SLC30A8: variants seen among roughly 807,000 people sequenced by gnomAD.
SLC30A8 encodes solute carrier family 30 member 8, also known as proton-coupled zinc antiporter SLC30A8.
SLC30A8 carries 27 observed loss-of-function variants against 36.9 expected under a neutral mutation model. The ratio of observed to expected loss-of-function variants is 0.73; its 90% CI spans 0.54 to 1.01. SLC30A8 has a LOEUF of 1.01. SLC30A8 is among the 50% of genes least tolerant of loss of function. SLC30A8 has a pLI of 0.00. For synonymous variants in SLC30A8, 164 were observed against 172.4 expected, an observed-to-expected ratio of 0.95 and a Z score of 0.38; for missense variants, 439 against 452.0, an observed-to-expected ratio of 0.97 and a Z score of 0.26.
At chr8:116,980,940 A>G (rs1277036465) in intron 1 of SLC30A8, among the ~76,000 whole-genome samples, 1 of 152,182 alleles carries the variant, frequency 6.6e-6, no homozygotes, top group Non-Finnish European at 1.5e-5. Flanking sequence ...TGGGTGTTCT[A>G]ATTACTATTG....
chr8:117,140,060 A>T (rs1253890226), intron 1 of SLC30A8, among the ~76,000 whole-genome samples: 1 of 152,060 alleles, frequency 6.6e-6, no homozygotes, highest in Non-Finnish European at 1.5e-5. Flanking sequence ...AAAGAACCAG[A>T]TGAAAATTCT....
chr8:116,961,611 T>A (rs1814426501), intron 1 of SLC30A8, among the ~76,000 whole-genome samples: 1 of 151,882 alleles, frequency 6.6e-6, no homozygotes, highest in South Asian at 2.1e-4. Context: ...TACCACAGAA[T>A]GGGTAATTTA....
rs71305451 is a variant in SLC30A8, at chr8:116,977,141, CTTTT to C, written c.-266+26042_-266+26045del. On this transcript the variant is annotated intron_variant, in intron 1 of 10. Coordinates refer to the SLC30A8 transcript ENST00000427715. ...CTTTTCTTTCTTTTTCTTTTTCTTG[CTTTT>C]TTTTTTTTTTTTTTTTTTTGAGATT... Among the ~76,000 whole-genome samples the C allele has an allele frequency of 4.8e-3, 281 of 59,094 alleles. 2 individuals carry two copies. In the East Asian group the frequency reaches 0.098, roughly 21 times the overall value. 38.8% of individuals were successfully genotyped at this position (59,094 alleles called of 152,430 possible).
At position 116,986,775 on chromosome 8, in the gene SLC30A8, C is replaced by T. The variant is rs1563735700; in HGVS notation, c.-266+35656C>T. Among the ~76,000 whole-genome samples the T allele has an allele frequency of 3.3e-5, 5 of 152,180 alleles. No homozygotes were observed. The East Asian group carries it at 7.7e-4, about 24-fold the overall frequency. On this transcript the variant is annotated intron_variant, in intron 1 of 10. Transcript: ENST00000427715. Reference sequence around the variant, plus strand: ...AGGCAGATGGCTTGAAGTGGATTTTCACTGCAACTCATAATGATGATCCTC... The same window carrying T: ...AGGCAGATGGCTTGAAGTGGATTTTTACTGCAACTCATAATGATGATCCTC...
rs556710004 is a variant in SLC30A8 at position 117,070,304 on chromosome 8, G to T, written c.-226+31046G>T. 2.6e-5 allele frequency among the ~76,000 whole-genome samples: 4 copies of T among 152,294 alleles called. No homozygotes were observed. The South Asian group carries it at 6.2e-4, about 24-fold the overall frequency. On this transcript the variant is annotated intron_variant, in intron 2 of 10. Transcript: ENST00000427715. ...GCTGCATTCAGCGGGAGGGTGGACT[G>T]GGCTGGAAGGTCTGATATGGCTCAT...
chr8:117,093,242 A>G (rs948457452), intron 2 of SLC30A8, among the ~76,000 whole-genome samples: 1 of 151,968 alleles, frequency 6.6e-6, no homozygotes, highest in African/African-American at 2.4e-5. Context: ...CTCTTAGACC[A>G]TGGCTTGACA....
chr8:116,992,953 C>T (rs568526464), intron 1 of SLC30A8, among the ~76,000 whole-genome samples: 2 of 145,530 alleles, frequency 1.4e-5, no homozygotes, highest in African/African-American at 4.9e-5. Context: ...CGCAGAGAAT[C>T]GTGGCCATGT....
intron 2 of SLC30A8, among the ~76,000 whole-genome samples, chr8:117,151,133 C>G (rs4876703): frequency 6.6e-6 from 1 of 151,812 alleles, no homozygotes; most frequent in South Asian, 2.1e-4. Flanking sequence ...TATTTTAGTC[C>G]GTGCTTTTAT....
At chr8:117,055,362 C>A (rs1423068636) in intron 2 of SLC30A8, among the ~76,000 whole-genome samples, 2 of 152,140 alleles carry the variant, frequency 1.3e-5, no homozygotes, top group Non-Finnish European at 2.9e-5. Flanking sequence ...GTTTCAACTC[C>A]CAGTGTCCTT....
rs145773760 is a variant in SLC30A8 at position 117,030,754 on chromosome 8, C to G, written c.-265-8465C>G. On this transcript the variant is annotated intron_variant, in intron 1 of 10. Transcript: ENST00000427715. ...TGAAAAGTTACAAGGACTTGAATAG[C>G]AAACACTAATGTAATATACTCGAAT... 2.3e-3 allele frequency among the ~76,000 whole-genome samples: 355 copies of G among 152,238 alleles called. 1 individual carries two copies. The highest frequency in any genetic ancestry group is 8.2e-3 in the African/African-American group (341 of 41,532).
At chr8:117,171,650 C>T (rs890929204) in intron 7 of SLC30A8, among the ~76,000 whole-genome samples, 1 of 152,126 alleles carries the variant, frequency 6.6e-6, no homozygotes, top group Non-Finnish European at 1.5e-5. Context: ...TGGGGTCCCA[C>T]ACTGTATGAT....
intron 2 of SLC30A8, among the ~76,000 whole-genome samples, chr8:117,040,722 A>G (rs891944478): frequency 6.6e-6 from 1 of 152,228 alleles, no homozygotes; most frequent in Non-Finnish European, 1.5e-5. Context: ...AAGCGTAAGC[A>G]CTGACAATTG....
At chr8:117,006,624 T>C (rs1816178485) in intron 1 of SLC30A8, among the ~76,000 whole-genome samples, 1 of 151,808 alleles carries the variant, frequency 6.6e-6, no homozygotes, top group Non-Finnish European at 1.5e-5. Context: ...TTGGAAAAAG[T>C]GGGGGCAGAA....
intron 1 of SLC30A8, among the ~76,000 whole-genome samples, chr8:117,136,082 A>G (rs1663986526): frequency 6.6e-6 from 1 of 152,024 alleles, no homozygotes; most frequent in South Asian, 2.1e-4. Context: ...GAACTAGGCA[A>G]TTACAAAACA....
intron 2 of SLC30A8, among the ~76,000 whole-genome samples, chr8:117,116,345 A>G (rs1052491877): frequency 6.6e-6 from 1 of 152,070 alleles, no homozygotes; most frequent in African/African-American, 2.4e-5. Flanking sequence ...ATTAAACTGA[A>G]CTAAAATACT....
intron 1 of SLC30A8, among the ~76,000 whole-genome samples, chr8:117,006,392 G>A (rs963323479): frequency 6.6e-6 from 1 of 152,116 alleles, no homozygotes; most frequent in Admixed American, 6.5e-5. Flanking sequence ...CCCTCACCCT[G>A]CTCTTCCCAA....
At chr8:116,986,790 T>C (rs534822416) in intron 1 of SLC30A8, among the ~76,000 whole-genome samples, 208 of 152,318 alleles carry the variant, frequency 1.4e-3, no homozygotes, top group Non-Finnish European at 2.7e-3. Flanking sequence ...CAACTCATAA[T>C]GATGATCCTC....
At chr8:117,137,949 AAGT>A (rs920210088) in intron 1 of SLC30A8, among the ~76,000 whole-genome samples, 8 of 151,614 alleles carry the variant, frequency 5.3e-5, no homozygotes, top group Admixed American at 1.3e-4. Flanking sequence ...TTACCACAGG[AAGT>A]AGTAATATTG....
intron 7 of SLC30A8, among the ~76,000 whole-genome samples, chr8:117,171,930 C>T (rs1202938872): frequency 3.9e-5 from 6 of 152,006 alleles, no homozygotes; most frequent in African/African-American, 1.4e-4. Context: ...GTCATCTTCT[C>T]GAAGGGGCTT....
Sources: allele counts gnomAD v4.1 joint callset (sites outside exome capture counted in the v4.1 genomes callset), GRCh38; gene constraint gnomAD v4.1.1; transcripts MANE v1.5; gene names NCBI Gene and HGNC (gene_info 2026-07-23, HGNC 2026-07-21).